L3MBTL3: variants seen among roughly 807,000 people sequenced by gnomAD.
The protein encoded by L3MBTL3 is lethal(3)malignant brain tumor-like protein 3.
A neutral mutation model predicts 102.3 loss-of-function variants in L3MBTL3; 27 were observed. That is an observed-to-expected ratio of 0.26 (90% confidence interval 0.19 to 0.36). The LOEUF is 0.36. Ranked by LOEUF, L3MBTL3 falls within the 10% of genes least tolerant of loss-of-function variation. The pLI is 1.00. For synonymous variants in L3MBTL3, 340 were observed against 320.9 expected, an observed-to-expected ratio of 1.06 and a Z score of -0.64; for missense variants, 798 against 955.3, an observed-to-expected ratio of 0.84 and a Z score of 2.17.
intron 20 of L3MBTL3, among the ~76,000 whole-genome samples, chr6:130,125,579 T>C (rs567536835): frequency 2.6e-5 from 4 of 152,354 alleles, no homozygotes; most frequent in African/African-American, 9.6e-5. Context: ...ATTTGAGTCC[T>C]GGCACAATTC....
intron 22 of L3MBTL3, among the ~76,000 whole-genome samples, chr6:130,135,965 A>G (rs1787610519): frequency 1.3e-5 from 2 of 152,348 alleles, no homozygotes; most frequent in African/African-American, 4.8e-5. Flanking sequence ...AAGGCAAAGG[A>G]CAAGTATTCA....
intron 15 of L3MBTL3, 82 bp downstream of exon 15, chr6:130,083,787 T>C (rs1396261422): frequency 9.2e-6 from 6 of 653,384 alleles, no homozygotes; most frequent in Non-Finnish European, 1.3e-5. Context: ...ATGGTATTAG[T>C]AAACCAGAAT....
intron 22 of L3MBTL3, among the ~76,000 whole-genome samples, chr6:130,136,302 T>C (rs1787649682): frequency 6.6e-6 from 1 of 152,146 alleles, no homozygotes; most frequent in African/African-American, 2.4e-5. Flanking sequence ...AAAGCAGAAG[T>C]CCTTACAAGG....
chr6:130,103,664 C>T (rs1439949080), intron 18 of L3MBTL3, among the ~76,000 whole-genome samples: 1 of 152,146 alleles, frequency 6.6e-6, no homozygotes, highest in Non-Finnish European at 1.5e-5. Context: ...CAGCAGTTGC[C>T]CAGTTGTTTC....
chr6:130,040,072 A>G (rs141595129), intron 2 of L3MBTL3, among the ~76,000 whole-genome samples: 1,649 of 152,258 alleles, frequency 0.011, 34 homozygotes, highest in African/African-American at 0.037. Flanking sequence ...CATGCCTGTA[A>G]TCCCAGCACT....
chr6:130,044,624 A>G (rs1020351434), intron 3 of L3MBTL3, among the ~76,000 whole-genome samples: 13 of 152,180 alleles, frequency 8.5e-5, no homozygotes, highest in African/African-American at 3.1e-4. Context: ...AGACCCATCT[A>G]ATTATCTGGG....
intron 15 of L3MBTL3, 55 bp from the exon 16 acceptor site, chr6:130,086,085 A>C: frequency 8.6e-7 from 1 of 1,163,854 alleles, no homozygotes; most frequent in Non-Finnish European, 1.3e-6. Context: ...TTGTAACATC[A>C]AGTTTACCTT....
chr6:130,080,057 C>A (rs1196724763), intron 14 of L3MBTL3, among the ~76,000 whole-genome samples: 2 of 152,060 alleles, frequency 1.3e-5, no homozygotes. Context: ...GAGTTCAAGA[C>A]CTGCCTGGGT....
chr6:130,127,000 A>G (rs1418496754), intron 20 of L3MBTL3, among the ~76,000 whole-genome samples: 1 of 152,192 alleles, frequency 6.6e-6, no homozygotes, highest in African/African-American at 2.4e-5. Context: ...AATGAGCCCA[A>G]AGAACAATGG....
At chr6:130,124,634 A>T (rs924362194) in intron 20 of L3MBTL3, among the ~76,000 whole-genome samples, 2 of 152,216 alleles carry the variant, frequency 1.3e-5, no homozygotes, top group Admixed American at 1.3e-4. Context: ...CTTGAAGGTA[A>T]TACCTATTCT....
rs1787716605 is a variant in L3MBTL3, at chr6:130,136,684, A to T, written c.2199+2779A>T. Among the ~76,000 whole-genome samples the T allele has an allele frequency of 2.0e-5, 3 of 151,736 alleles. No individual in the cohort carries two copies. In the South Asian group the frequency reaches 6.2e-4, roughly 32 times the overall value. The stretch of plus-strand genomic sequence containing the variant: ...CCAGGCTGGAGTGTAGTGGCACAAT[A>T]TTAGCTCACTGCAACCTCTGCCTCC... On this transcript the variant is annotated intron_variant, in intron 22 of 22. Transcript: ENST00000361794.
intron 11 of L3MBTL3, among the ~76,000 whole-genome samples, chr6:130,067,377 G>GT (rs541392772): frequency 3.4e-4 from 52 of 152,236 alleles, no homozygotes; most frequent in African/African-American, 1.3e-3. Context: ...GCCTCCCAAA[G>GT]TGCTGGGATT....
intron 22 of L3MBTL3, among the ~76,000 whole-genome samples, chr6:130,135,192 C>T (rs1787509354): frequency 1.3e-5 from 2 of 151,304 alleles, no homozygotes; most frequent in African/African-American, 4.9e-5. Flanking sequence ...ACCTGAGTAG[C>T]TGGGATTACA....
intron 19 of L3MBTL3, among the ~76,000 whole-genome samples, chr6:130,114,289 A>G (rs1785528877): frequency 6.6e-6 from 1 of 152,192 alleles, no homozygotes; most frequent in Non-Finnish European, 1.5e-5. Context: ...TTATTGCTAT[A>G]TGCCTGTGAA....
At chr6:130,078,791 G>A (rs1584386654) in intron 14 of L3MBTL3, among the ~76,000 whole-genome samples, 157 bp downstream of exon 14, 1 of 152,160 alleles carries the variant, frequency 6.6e-6, no homozygotes, top group East Asian at 1.9e-4. Context: ...AACAGCCATA[G>A]ACAATAGGTA....
At chr6:130,079,914 AC>A (rs1317458936) in intron 14 of L3MBTL3, among the ~76,000 whole-genome samples, 2 of 152,210 alleles carry the variant, frequency 1.3e-5, no homozygotes, top group African/African-American at 4.8e-5. Flanking sequence ...TATTTACAGT[AC>A]TATTTTGACA....
intron 7 of L3MBTL3, chr6:130,054,959 A>C: frequency 4.1e-6 from 2 of 489,506 alleles, no homozygotes; most frequent in Non-Finnish European, 7.4e-6. Flanking sequence ...ATGCCCTTCC[A>C]ACCGGTAACA....
At chr6:130,114,564 A>G (rs1562324358) in intron 19 of L3MBTL3, among the ~76,000 whole-genome samples, 1 of 152,202 alleles carries the variant, frequency 6.6e-6, no homozygotes, top group Non-Finnish European at 1.5e-5. Flanking sequence ...TTATCTTGGT[A>G]ATACCCACCT....
rs367605291 is a variant in L3MBTL3, at chr6:130,055,161, C to A, written c.583-10C>A. ...AACTTTAAAGTCATAATTTTCCTTT[C>A]TTTTTGTAGGAGAACAAACAAGATG... On this transcript the variant is annotated splice_polypyrimidine_tract_variant and intron_variant, in intron 7 of 22. Coordinates refer to ENST00000361794, the MANE Select transcript of L3MBTL3 (RefSeq NM_032438.4). 7.0e-4 allele frequency: 1,132 copies of A among 1,610,676 alleles called. 1 individual carries two copies. Among genetic ancestry groups the A allele is most frequent in the Non-Finnish European group, 9.1e-4 (1,074 of 1,177,132 alleles).
Sources: allele counts gnomAD v4.1 joint callset (sites outside exome capture counted in the v4.1 genomes callset), GRCh38; gene constraint gnomAD v4.1.1; transcripts MANE v1.5; gene names NCBI Gene and HGNC (gene_info 2026-07-23, HGNC 2026-07-21).